ATRNL1: variants seen among roughly 807,000 people sequenced by gnomAD.
ATRNL1 encodes the protein attractin like 1.
A neutral mutation model predicts 182.7 loss-of-function variants in ATRNL1; 95 were observed. The ratio of observed to expected loss-of-function variants is 0.52; its 90% CI spans 0.44 to 0.62. ATRNL1 has a LOEUF of 0.62. Among genes scored for constraint, ATRNL1 ranks in the 20% least tolerant of loss-of-function variants. The pLI, the probability that ATRNL1 is intolerant of heterozygous loss-of-function variation, is 0.00. For synonymous variants in ATRNL1, 576 were observed against 568.3 expected (o/e 1.01, Z -0.19); for missense variants, 1,471 against 1,679.5 (o/e 0.88, Z 2.17).
intron 21 of ATRNL1, among the ~76,000 whole-genome samples, chr10:115,429,653 G>A (rs1846056959): frequency 6.6e-6 from 1 of 152,040 alleles, no homozygotes; most frequent in South Asian, 2.1e-4. Context: ...ATTAGTATTT[G>A]GATACTGCTA....
chr10:115,612,110 G>A (rs535439553), intron 26 of ATRNL1, among the ~76,000 whole-genome samples: 1 of 152,214 alleles, frequency 6.6e-6, no homozygotes, highest in Non-Finnish European at 1.5e-5. Flanking sequence ...AACTTAACCG[G>A]GTGTTGTGGC....
chr10:115,320,934 C>T (rs11197160), intron 18 of ATRNL1, among the ~76,000 whole-genome samples: 32,033 of 152,014 alleles, frequency 0.21, 4,276 homozygotes, highest in Non-Finnish European at 0.3. Context: ...TGTGATCATT[C>T]GGAGGAGAAT....
intron 26 of ATRNL1, among the ~76,000 whole-genome samples, chr10:115,640,495 T>G (rs1859168767): frequency 6.6e-6 from 1 of 152,192 alleles, no homozygotes; most frequent in Non-Finnish European, 1.5e-5. Flanking sequence ...GGTACCTCAT[T>G]GTAGTTTTGA....
At chr10:115,211,057 T>C (rs1849000604) in intron 8 of ATRNL1, among the ~76,000 whole-genome samples, 1 of 151,484 alleles carries the variant, frequency 6.6e-6, no homozygotes, top group Non-Finnish European at 1.5e-5. Context: ...CTTTTTTTTT[T>C]TTTTTAATTA....
chr10:115,820,007 C>T (rs1438998099), intron 27 of ATRNL1: 2 of 152,166 alleles, frequency 1.3e-5, no homozygotes, highest in African/African-American at 4.8e-5. Flanking sequence ...AATGCTCTAA[C>T]ACTGCTGTGT....
At chr10:115,795,892 T>C (rs1441816364) in intron 27 of ATRNL1, among the ~76,000 whole-genome samples, 1 of 152,058 alleles carries the variant, frequency 6.6e-6, no homozygotes, top group Non-Finnish European at 1.5e-5. Context: ...CCAAACCATA[T>C]CATCCCCCAT....
intron 19 of ATRNL1, among the ~76,000 whole-genome samples, chr10:115,369,691 A>G (rs1323505191): frequency 6.6e-6 from 1 of 152,180 alleles, no homozygotes; most frequent in Non-Finnish European, 1.5e-5. Flanking sequence ...ATTCCCCCCA[A>G]CAATGTACAA....
At chr10:115,211,884 C>T (rs1849040926) in intron 8 of ATRNL1, among the ~76,000 whole-genome samples, 1 of 151,458 alleles carries the variant, frequency 6.6e-6, no homozygotes, top group Admixed American at 6.6e-5. Context: ...TTTTCTTCTC[C>T]TTTTGGGATT....
intron 26 of ATRNL1, among the ~76,000 whole-genome samples, chr10:115,671,890 T>C (rs1040776652): frequency 1.3e-5 from 2 of 152,232 alleles, no homozygotes; most frequent in East Asian, 3.9e-4. Flanking sequence ...GGATATGATA[T>C]TATCTTGAGA....
Position 115,137,678 on chromosome 10 carries a change from C to T in ATRNL1, c.829+8143C>T, listed in dbSNP as rs551682154. Among the ~76,000 whole-genome samples, 62 of 152,220 alleles carry T rather than the reference C, an allele frequency of 4.1e-4. 1 individual carries two copies. The highest frequency in any genetic ancestry group is 1.3e-3 in the African/African-American group (55 of 41,522). ...AGAATAGCAAGGGAAAGACCTGCCCCCATGATTCAGTTACCTCCTACTGGG... is the reference window on the plus strand; with the variant it reads ...AGAATAGCAAGGGAAAGACCTGCCCTCATGATTCAGTTACCTCCTACTGGG... On this transcript the variant is annotated intron_variant, in intron 5 of 28. Transcript: ENST00000355044.
At chr10:115,381,508 G>C (rs1009373281) in intron 19 of ATRNL1, among the ~76,000 whole-genome samples, 1 of 146,514 alleles carries the variant, frequency 6.8e-6, no homozygotes, top group Admixed American at 6.9e-5. Context: ...CCTGACCTCA[G>C]GTGATCCGCC....
intron 10 of ATRNL1, among the ~76,000 whole-genome samples, chr10:115,251,214 C>T (rs888472662): frequency 1.3e-5 from 2 of 152,064 alleles, no homozygotes; most frequent in South Asian, 2.1e-4. Context: ...GTCCATTATC[C>T]TGGCATTATT....
intron 1 of ATRNL1, among the ~76,000 whole-genome samples, chr10:115,107,526 A>G: frequency 6.6e-6 from 1 of 152,094 alleles, no homozygotes; most frequent in East Asian, 1.9e-4. Flanking sequence ...AGCAGCTCTC[A>G]TGGGTTGGAG....
intron 26 of ATRNL1, among the ~76,000 whole-genome samples, chr10:115,568,632 T>G (rs2133856583): frequency 6.6e-6 from 1 of 152,130 alleles, no homozygotes; most frequent in South Asian, 2.1e-4. Flanking sequence ...TGTGAGGTAG[T>G]GCATAAAAAA....
intron 28 of ATRNL1, among the ~76,000 whole-genome samples, chr10:115,896,857 G>A (rs1466304249): frequency 2.0e-5 from 3 of 151,942 alleles, no homozygotes; most frequent in Admixed American, 6.6e-5. Flanking sequence ...CTATAAAAAG[G>A]CATACATAAA....
intron 17 of ATRNL1, among the ~76,000 whole-genome samples, chr10:115,305,547 C>G (rs1044604826): frequency 6.6e-6 from 1 of 152,202 alleles, no homozygotes; most frequent in Non-Finnish European, 1.5e-5. Context: ...AACTAGGAGC[C>G]AGCTGCCCAG....
chr10:115,726,268 C>T (rs1947594207), intron 26 of ATRNL1, among the ~76,000 whole-genome samples: 2 of 152,162 alleles, frequency 1.3e-5, no homozygotes, highest in Admixed American at 1.3e-4. Flanking sequence ...GACAGAGAAT[C>T]TTTAAAAATA....
chr10:115,322,912 T>A (rs1307992379), intron 18 of ATRNL1, among the ~76,000 whole-genome samples: 1 of 152,084 alleles, frequency 6.6e-6, no homozygotes, highest in Admixed American at 6.6e-5. Flanking sequence ...CTTTCAAGAT[T>A]TTGTCCTTGT....
intron 27 of ATRNL1, among the ~76,000 whole-genome samples, chr10:115,798,159 C>T (rs1048576795): frequency 1.6e-4 from 24 of 152,070 alleles, no homozygotes; most frequent in Admixed American, 1.2e-3. Context: ...CCTTGTGATC[C>T]GCCCACCTCG....
Sources: allele counts gnomAD v4.1 joint callset (sites outside exome capture counted in the v4.1 genomes callset), GRCh38; gene constraint gnomAD v4.1.1; transcripts MANE v1.5; gene names NCBI Gene and HGNC (gene_info 2026-07-23, HGNC 2026-07-21).